Variants in GATA6 observed in about 807,000 individuals in gnomAD.
The protein encoded by GATA6 is GATA binding protein 6, also known as transcription factor GATA-6.
GATA6 carries 11 observed loss-of-function variants against 48.1 expected under a neutral mutation model. The observed-to-expected ratio is 0.23, with a 90% CI of 0.14 to 0.38. GATA6 has a LOEUF of 0.38. Ranked by LOEUF, GATA6 falls within the 10% of genes least tolerant of loss-of-function variation. The probability of loss-of-function intolerance (pLI) is 1.00; values close to 1 mark genes in which losing one functional copy is unlikely to be tolerated. For missense variants in GATA6, 795 were observed against 850.3 expected, an observed-to-expected ratio of 0.93 and a Z score of 0.81; for synonymous variants, 419 against 396.1, an observed-to-expected ratio of 1.06 and a Z score of -0.69.
chr18:22,200,261 C>T (rs1365453443), intron 6 of GATA6, among the ~76,000 whole-genome samples: 1 of 152,124 alleles, frequency 6.6e-6, no homozygotes, highest in African/African-American at 2.4e-5. Context: ...GTTGTGTGTG[C>T]ATCATTAATG....
rs1381339538 is a variant in GATA6 at position 22,171,527 on chromosome 18, T to C, written c.383T>C (p.Leu128Pro). 22 of 1,603,800 alleles carry C rather than the reference T, an allele frequency of 1.4e-5. No homozygotes were observed. The highest frequency in any genetic ancestry group is 1.9e-5 in the Non-Finnish European group (22 of 1,179,608). ...LDQAATASKLLWSSRGAKLSP... is the reference protein window; with the variant it reads ...LDQAATASKLPWSSRGAKLSP... ...CAAGCCGCGACCGCCAGCAAGCTGC[T>C]GTGGTCCAGCCGCGGCGCCAAGCTG... The change falls in exon 2 of 7, where the codon CTG (leucine) becomes CCG (proline). Residue 128 changes from leucine to proline, a missense_variant. Physicochemically the swap from Leu to Pro is moderately conservative, Grantham distance 98. Coordinates refer to ENST00000269216, the MANE Select transcript of GATA6 (RefSeq NM_005257.6). The surrounding 1 kb of genome is among the most constrained non-coding windows in gnomAD (Gnocchi z 7.1).
chr18:22,170,552 TATA>T lies in GATA6; in HGVS notation c.-37-555_-37-553del, dbSNP rs1291290814. 6.6e-6 allele frequency among the ~76,000 whole-genome samples: 1 copy of T among 152,120 alleles called. No homozygotes were observed. On this transcript the variant is annotated intron_variant, in intron 1 of 6. Transcript: ENST00000269216. The surrounding 1 kb of genome is among the most constrained non-coding windows in gnomAD (Gnocchi z 6.7). The stretch of plus-strand genomic sequence containing the variant: ...GTCCGGGAAGCTCTGGGAGAGCCAA[TATA>T]GGAGAACGCGGCGGTTTCGTTTTCG...
At chr18:22,175,053 C>T (rs2033103318) in intron 2 of GATA6, among the ~76,000 whole-genome samples, 1 of 152,070 alleles carries the variant, frequency 6.6e-6, no homozygotes, top group Non-Finnish European at 1.5e-5. Flanking sequence ...CCGCAAACAG[C>T]CATGTTAGGA....
At position 22,176,982 on chromosome 18, in the gene GATA6, G is replaced by T; in HGVS notation, c.1163G>T (p.Arg388Leu). 1 of 1,567,040 alleles carries T rather than the reference G, an allele frequency of 6.4e-7. No individual in the cohort carries two copies. The change falls in exon 3 of 7, where the codon CGC becomes CTC. Residue 388 changes from arginine to leucine, a missense_variant. Around this residue, in one of 5 missense-constraint regions of GATA6, gnomAD observed 76 missense variants for 113.1 expected, o/e 0.67. Transcript: ENST00000269216. ...ADLLEDLSESRECVNCGSIQT... is the reference protein window; with the variant it reads ...ADLLEDLSESLECVNCGSIQT... ...CTGCTGGAGGACCTGTCCGAGAGCC[G>T]CGAGTGCGTGAACTGCGGCTCCATC...
intron 6 of GATA6, 83 bp from the exon 7 acceptor site, chr18:22,200,573 A>G: frequency 1.9e-6 from 3 of 1,563,150 alleles, no homozygotes; most frequent in Non-Finnish European, 1.8e-6. Flanking sequence ...AGACCCGTTC[A>G]TTAGCTCCCA....
chr18:22,190,712 C>A (rs1226962938), intron 6 of GATA6, among the ~76,000 whole-genome samples: 1 of 152,178 alleles, frequency 6.6e-6, no homozygotes, highest in Non-Finnish European at 1.5e-5. Context: ...ACGTCTCCTG[C>A]CTCCCAGTCC....
chr18:22,176,670 C>T (rs1598735905), intron 2 of GATA6: 1 of 371,776 alleles, frequency 2.7e-6, no homozygotes. Context: ...ACCTCCCCAC[C>T]GCTCATCTCG....
chr18:22,176,381 A>T (rs927592968), intron 2 of GATA6: 2 of 152,272 alleles, frequency 1.3e-5, no homozygotes, highest in Non-Finnish European at 2.9e-5. Flanking sequence ...GGTGCCTAAG[A>T]ATAGTACTTT....
chr18:22,171,355 G>T lies in GATA6; in HGVS notation c.211G>T (p.Ala71Ser). 1 of 1,585,296 alleles carries T rather than the reference G, an allele frequency of 6.3e-7. No individual in the cohort carries two copies. Among genetic ancestry groups the T allele is most frequent in the Non-Finnish European group, 8.5e-7 (1 of 1,173,068 alleles). The part of the protein sequence containing the change: ...GTPQLDTEAA[A>S]GPPARSLLLS... ...GCCTCAGCTCGACACGGAGGCGGCG[G>T]CCGGACCCCCGGCCCGCTCGCTGCT... The change falls in exon 2 of 7, where the codon GCC becomes TCC. Residue 71 changes from alanine (A) to serine (S), a missense_variant. Ala to Ser is a moderately conservative substitution (Grantham distance 99, BLOSUM62 1). Transcript: ENST00000269216. This position sits in a 1 kb window ranked among gnomAD's most constrained non-coding sequence, Gnocchi z 7.1.
intron 6 of GATA6, among the ~76,000 whole-genome samples, chr18:22,197,519 T>G (rs1279427622): frequency 6.6e-6 from 1 of 152,206 alleles, no homozygotes; most frequent in African/African-American, 2.4e-5. Context: ...TCAGCTGGCT[T>G]TTCTTCTGAA....
chr18:22,199,207 GCA>G (rs1020677417), intron 6 of GATA6, among the ~76,000 whole-genome samples: 1 of 152,152 alleles, frequency 6.6e-6, no homozygotes, highest in African/African-American at 2.4e-5. Context: ...TGGAGGCTCG[GCA>G]CACTTCCTTT....
rs115519611 is a variant in GATA6, at chr18:22,172,655, T to G, written c.1135+376T>G. On this transcript the variant is annotated intron_variant, in intron 2 of 6. Coordinates refer to ENST00000269216, the MANE Select transcript of GATA6 (RefSeq NM_005257.6). The surrounding 1 kb of genome is among the most constrained non-coding windows in gnomAD (Gnocchi z 5.2). Reference sequence around the variant, plus strand: ...TTGAGCCCCATCGCAGACCCTACTTTGGGTGAGTGGAAGAAATTCCACGAT... The same window carrying G: ...TTGAGCCCCATCGCAGACCCTACTTGGGGTGAGTGGAAGAAATTCCACGAT... Among the ~76,000 whole-genome samples, 4,685 of 152,254 alleles carry G rather than the reference T, an allele frequency of 0.031. 248 individuals carry two copies. The highest frequency in any genetic ancestry group is 0.11 in the African/African-American group (4,433 of 41,524).
At chr18:22,190,700 C>G (rs956661947) in intron 6 of GATA6, among the ~76,000 whole-genome samples, 1 of 152,256 alleles carries the variant, frequency 6.6e-6, no homozygotes. Context: ...GGACTGGAAC[C>G]GACGTCTCCT....
At chr18:22,181,701 T>C (rs1162628166) in intron 4 of GATA6, 123 bp downstream of exon 4, 1 of 957,136 alleles carries the variant, frequency 1.0e-6, no homozygotes, top group Admixed American at 1.9e-5. Flanking sequence ...TATAATTTAT[T>C]ACTGAATATG....
rs767415871 is a variant in GATA6 at position 22,200,737 on chromosome 18, C to T, written c.1702C>T (p.Leu568Phe). The T allele has an allele frequency of 3.7e-6, 6 of 1,614,098 alleles. No individual in the cohort carries two copies. Among genetic ancestry groups the T allele is most frequent in the Admixed American group, 3.3e-5 (2 of 60,010 alleles). ...GCTCAAGTATTCGGGTCAAGATGGG[C>T]TCTACATAGGCGTCAGTCTCGCCTC... is the stretch of plus-strand genomic sequence containing the variant. The part of the protein sequence containing the change: ...SELKYSGQDG[L>F]YIGVSLASPA... The change falls in exon 7 of 7, where the codon CTC (leucine) becomes TTC (phenylalanine). Residue 568 changes from leucine (L) to phenylalanine (F), a missense_variant. This residue lies in a region of GATA6 where 103 missense variants were observed against 103.7 expected (regional missense o/e 0.99). Transcript: ENST00000269216.
chr18:22,186,397 GCCCA>G (rs1189702654), intron 6 of GATA6, among the ~76,000 whole-genome samples: 1 of 152,066 alleles, frequency 6.6e-6, no homozygotes, highest in African/African-American at 2.4e-5. Flanking sequence ...TGTTCCAGAG[GCCCA>G]CATGAAACAT....
chr18:22,171,382 C>A lies in GATA6; in HGVS notation c.238C>A (p.Leu80Ile). The change falls in exon 2 of 7, where the codon CTC becomes ATC. Residue 80 changes from leucine (L) to isoleucine (I), a missense_variant. Transcript: ENST00000269216. The surrounding 1 kb of genome is among the most constrained non-coding windows in gnomAD (Gnocchi z 7.1). ...AAGPPARSLL[L>I]SSYASHPFGA... ...CGGACCCCCGGCCCGCTCGCTGCTG[C>A]TCAGTTCCTACGCTTCGCATCCCTT... The A allele has an allele frequency of 6.3e-7, 1 of 1,587,698 alleles. No individual in the cohort carries two copies. Among genetic ancestry groups the A allele is most frequent in the Non-Finnish European group, 8.5e-7 (1 of 1,174,786 alleles).
At chr18:22,192,214 C>T (rs899093825) in intron 6 of GATA6, among the ~76,000 whole-genome samples, 3 of 152,158 alleles carry the variant, frequency 2.0e-5, no homozygotes, top group Non-Finnish European at 2.9e-5. Context: ...CCTCTGTTTT[C>T]CTCCTTCTAC....
Position 22,181,707 on chromosome 18 carries a change from A to G in GATA6, c.1428+129A>G, listed in dbSNP as rs1329676558. 4 of 887,738 alleles carry G rather than the reference A, an allele frequency of 4.5e-6. No individual in the cohort carries two copies. The Admixed American group carries it at 7.8e-5, about 17-fold the overall frequency. The allele number at this position is 887,738 out of a possible 1,614,324, so 55.0% of individuals were successfully genotyped here. A position where few individuals can be genotyped will look rare whatever the true frequency, so the allele number is the denominator to read the frequency against. ...TTGAATGCATATAATTTATTACTGA[A>G]TATGTTTAATATATTCAGTGTACAT... is the stretch of plus-strand genomic sequence containing the variant. On this transcript the variant is annotated intron_variant, in intron 4 of 6. Transcript: ENST00000269216.
Sources: allele counts gnomAD v4.1 joint callset (sites outside exome capture counted in the v4.1 genomes callset), GRCh38; gene constraint gnomAD v4.1.1; regional missense constraint gnomAD v4.1.1; non-coding constraint Gnocchi (gnomAD v3.1); transcripts MANE v1.5; gene names NCBI Gene and HGNC (gene_info 2026-07-23, HGNC 2026-07-21).